The following PRR12 variants were observed in gnomAD, a reference collection of about 807,000 sequenced individuals.
PRR12 encodes proline rich 12.
PRR12 carries 12 observed loss-of-function variants against 138.0 expected under a neutral mutation model. The ratio of observed to expected loss-of-function variants is 0.09; its 90% CI spans 0.06 to 0.14. PRR12 has a LOEUF of 0.14. Ranked by LOEUF, PRR12 falls within the 10% of genes least tolerant of loss-of-function variation. PRR12 has a pLI of 1.00. For synonymous variants in PRR12, 1,567 were observed against 1,291.7 expected, an observed-to-expected ratio of 1.21 and a Z score of -4.57; for missense variants, 2,692 against 2,861.3, an observed-to-expected ratio of 0.94 and a Z score of 1.35.
At chr19:49,600,705 T>C (rs1391100432) in intron 5 of PRR12, among the ~76,000 whole-genome samples, 1 of 151,760 alleles carries the variant, frequency 6.6e-6, no homozygotes, top group African/African-American at 2.4e-5. Flanking sequence ...TTCTTTTTTT[T>C]TTTTCTTGAG....
At chr19:49,622,914 T>TAAATATAC (rs2080931710) in intron 11 of PRR12, among the ~76,000 whole-genome samples, 1 of 77,724 alleles carries the variant, frequency 1.3e-5, no homozygotes, top group Non-Finnish European at 2.5e-5. Context: ...AAAACATATA[T>TAAATATAC]ATATATATAT....
Position 49,599,623 on chromosome 19 carries a change from G to A in PRR12, c.4030G>A (p.Gly1344Arg). ...HPPPSGAFGLGGALEAAESEG... is the reference protein window; with the variant it reads ...HPPPSGAFGLRGALEAAESEG... ...CCCACCTTCCGGAGCCTTTGGGCTTGGGGGCGCCCTGGAGGCTGCAGAGAG... is the reference window on the plus strand; with the variant it reads ...CCCACCTTCCGGAGCCTTTGGGCTTAGGGGCGCCCTGGAGGCTGCAGAGAG... The change falls in exon 5 of 14, where the codon GGG becomes AGG. Residue 1344 changes from glycine to arginine, a missense_variant. Physicochemically the swap from Gly to Arg is moderately radical, Grantham distance 125. Transcript: ENST00000418929. The surrounding 1 kb of genome is among the most constrained non-coding windows in gnomAD (Gnocchi z 5.0). The A allele has an allele frequency of 6.2e-7, 1 of 1,604,000 alleles. No individual in the cohort carries two copies. The highest frequency in any genetic ancestry group is 8.5e-7 in the Non-Finnish European group (1 of 1,173,642).
At position 49,596,984 on chromosome 19, in the gene PRR12, G is replaced by T; in HGVS notation, c.2649G>T (p.Leu883Phe). 1 of 1,557,612 alleles carries T rather than the reference G, an allele frequency of 6.4e-7. No homozygotes were observed. Among genetic ancestry groups the T allele is most frequent in the South Asian group, 1.2e-5 (1 of 85,012 alleles). The stretch of plus-strand genomic sequence containing the variant: ...ATCCGCCAGGCGCCATGCAGGAATT[G>T]CTCGGGGCTCTGGAGCCGCTGCCCC... ...SLDPPGAMQE[L>F]LGALEPLPPA... Residue 883 changes from leucine (L) to phenylalanine (F), a missense_variant, in exon 4 of 14, where the codon TTG (leucine) becomes TTT (phenylalanine). Around this residue, in one of 11 missense-constraint regions of PRR12, gnomAD observed 840 missense variants for 689.8 expected, o/e 1.22. Coordinates refer to ENST00000418929, the MANE Select transcript of PRR12 (RefSeq NM_020719.3). This position sits in a 1 kb window ranked among gnomAD's most constrained non-coding sequence, Gnocchi z 5.6.
chr19:49,595,895 C>T lies in PRR12; in HGVS notation c.1560C>T (p.His520=), dbSNP rs772456112. 4.4e-6 allele frequency: 7 copies of T among 1,603,172 alleles called. No individual in the cohort carries two copies. In the African/African-American group the frequency reaches 9.3e-5, roughly 21 times the overall value. Residue 520 remains histidine, a synonymous_variant, in exon 4 of 14, where the codon CAC becomes CAT. Transcript: ENST00000418929. ...AGCCATACCCAGGGCCAGCCGCCCA[C>T]TCCCAGGGGCTGCCCACAGCCAGCC... is the stretch of plus-strand genomic sequence containing the variant. ...QGEPYPGPAA[H]SQGLPTASPS...
intron 6 of PRR12, among the ~76,000 whole-genome samples, chr19:49,602,127 A>G (rs553979161): frequency 4.6e-5 from 7 of 152,176 alleles, no homozygotes; most frequent in Non-Finnish European, 8.8e-5. Flanking sequence ...TACATGCATT[A>G]CCTGTATATA....
rs780932569 is a variant in PRR12, at chr19:49,625,505, G to A, written c.6009G>A (p.Glu2003=). The A allele has an allele frequency of 6.2e-7, 1 of 1,610,272 alleles. No individual in the cohort carries two copies. Among genetic ancestry groups the A allele is most frequent in the South Asian group, 1.1e-5 (1 of 90,452 alleles). ...GCGCCGAGGACCTGGGCCAGGAGGAGGTGGTCCAGCAGTGCATGCGGAACC... is the reference window on the plus strand; with the variant it reads ...GCGCCGAGGACCTGGGCCAGGAGGAAGTGGTCCAGCAGTGCATGCGGAACC... ...EGGAEDLGQE[E]VVQQCMRNQP... is the part of the protein sequence containing the mutation. Residue 2003 remains glutamate, a synonymous_variant, in exon 14 of 14, where the codon GAG becomes GAA. Coordinates refer to ENST00000418929, the MANE Select transcript of PRR12 (RefSeq NM_020719.3). The surrounding 1 kb of genome is among the most constrained non-coding windows in gnomAD (Gnocchi z 5.5).
At chr19:49,593,823 C>CT (rs1412723181) in intron 2 of PRR12, among the ~76,000 whole-genome samples, 3 of 152,178 alleles carry the variant, frequency 2.0e-5, no homozygotes, top group Non-Finnish European at 4.4e-5. Context: ...CTGATTGGCT[C>CT]TAATTCTCTG....
Position 49,599,911 on chromosome 19 carries a change from C to G in PRR12, c.4318C>G (p.Pro1440Ala). 6.2e-7 allele frequency: 1 copy of G among 1,607,852 alleles called. No individual in the cohort carries two copies. The highest frequency in any genetic ancestry group is 1.1e-5 in the South Asian group (1 of 90,698). Residue 1440 changes from proline to alanine, a missense_variant, in exon 5 of 14, where the codon CCC (proline) becomes GCC (alanine). Physicochemically the swap from Pro to Ala is conservative, Grantham distance 27. Around this residue, in one of 11 missense-constraint regions of PRR12, gnomAD observed 231 missense variants for 200.8 expected, o/e 1.15. Coordinates refer to ENST00000418929, the MANE Select transcript of PRR12 (RefSeq NM_020719.3). This position sits in a 1 kb window ranked among gnomAD's most constrained non-coding sequence, Gnocchi z 5.0. ...AGGGCCACCCCCTCTTCCGGGGCTC[C>G]CCAGTGCCAACAGCAATGGCACTCC... is the stretch of plus-strand genomic sequence containing the variant. Reference protein sequence around the residue: ...VPGPPPLPGLPSANSNGTPEP... With the variant: ...VPGPPPLPGLASANSNGTPEP...
In PRR12 at chr19:49,610,254, T is replaced by A. The variant is rs571018991; in HGVS notation, c.4774-4279T>A. Among the ~76,000 whole-genome samples the A allele has an allele frequency of 2.0e-5, 3 of 151,822 alleles. No individual in the cohort carries two copies. The East Asian group carries it at 5.9e-4, about 30-fold the overall frequency. On this transcript the variant is annotated intron_variant, in intron 6 of 13. Transcript: ENST00000418929. ...CCTCCCAAAGTGCTGGGATTACAGA[T>A]GCGAGCCACCCCGCACCCAGCCTGG...
chr19:49,594,956 C>T lies in PRR12; in HGVS notation c.621C>T (p.Arg207=). ...TGCCCTCTTCACTGGGCTTCGAGCG[C>T]CTGGCAGGGGGCGGTGTCTTGGGGC... The part of the protein sequence containing the change: ...PTVPSSLGFE[R]LAGGGVLGPA... Residue 207 remains arginine, a synonymous_variant, in exon 4 of 14, where the codon CGC becomes CGT. Transcript: ENST00000418929. This position sits in a 1 kb window ranked among gnomAD's most constrained non-coding sequence, Gnocchi z 5.6. 6.2e-7 allele frequency: 1 copy of T among 1,601,464 alleles called. No individual in the cohort carries two copies. Among genetic ancestry groups the T allele is most frequent in the Non-Finnish European group, 8.5e-7 (1 of 1,175,094 alleles).
chr19:49,603,950 A>G (rs1441840721), intron 6 of PRR12, among the ~76,000 whole-genome samples: 1 of 151,824 alleles, frequency 6.6e-6, no homozygotes. Context: ...CCTCCTGAGT[A>G]GCTGGGATTA....
intron 6 of PRR12, among the ~76,000 whole-genome samples, chr19:49,611,133 C>T (rs776898001): frequency 3.2e-4 from 49 of 152,008 alleles, no homozygotes; most frequent in Non-Finnish European, 6.0e-4. Flanking sequence ...TGAGCCACTG[C>T]GCCTGGCCAT....
In PRR12 at chr19:49,597,956, G is replaced by T; in HGVS notation, c.3621G>T (p.Arg1207=). ...AKKPRGRGRG[R]GRKAEEAGGT... Reference sequence around the variant, plus strand: ...AACCCCGGGGCCGGGGCCGAGGCCGGGGTCGAAAGGCTGAGGAGGCAGGGG... The same window carrying T: ...AACCCCGGGGCCGGGGCCGAGGCCGTGGTCGAAAGGCTGAGGAGGCAGGGG... The change falls in exon 4 of 14, where the codon CGG becomes CGT. Residue 1207 remains arginine, a synonymous_variant. Coordinates refer to ENST00000418929, the MANE Select transcript of PRR12 (RefSeq NM_020719.3). This position sits in a 1 kb window ranked among gnomAD's most constrained non-coding sequence, Gnocchi z 6.3. The T allele has an allele frequency of 7.1e-7, 1 of 1,401,766 alleles. No individual in the cohort carries two copies. The allele number at this position is 1,401,766 out of a possible 1,614,324, so 86.8% of individuals were successfully genotyped here.
At chr19:49,610,954 C>T (rs996187666) in intron 6 of PRR12, among the ~76,000 whole-genome samples, 4 of 151,652 alleles carry the variant, frequency 2.6e-5, no homozygotes, top group African/African-American at 9.7e-5. Context: ...AAGTGATTGT[C>T]CCCTCAGCCT....
chr19:49,595,101 G>A lies in PRR12; in HGVS notation c.766G>A (p.Ala256Thr), dbSNP rs368007404. The change falls in exon 4 of 14, where the codon GCC (alanine) becomes ACC (threonine). Residue 256 changes from alanine (A) to threonine (T), a missense_variant. Transcript: ENST00000418929. Reference sequence around the variant, plus strand: ...GCTGGCTTCCTCTTCCGCTGCCGCCGCCGCTGCCGAGCAGTCCTCCCCACA... The same window carrying A: ...GCTGGCTTCCTCTTCCGCTGCCGCCACCGCTGCCGAGCAGTCCTCCCCACA... ...NLLASSSAAA[A>T]AAEQSSPQLY... 3 of 1,610,634 alleles carry A rather than the reference G, an allele frequency of 1.9e-6. No individual in the cohort carries two copies. Among genetic ancestry groups the A allele is most frequent in the Non-Finnish European group, 2.5e-6 (3 of 1,179,486 alleles).
intron 6 of PRR12, among the ~76,000 whole-genome samples, chr19:49,608,841 C>CAA (rs112058165): frequency 2.2e-5 from 3 of 135,670 alleles, no homozygotes; most frequent in African/African-American, 8.0e-5. Context: ...GACCCTGTCT[C>CAA]AAAAAAAAAA....
At position 49,591,272 on chromosome 19, in the gene PRR12, C is replaced by T. The variant is rs1479791947; in HGVS notation, c.-383C>T. ...GGCGGCGGCGGCGAGAGAGCGAGCA[C>T]CCAGCGCCTGCACCCACCCCGGGGC... On this transcript the variant is annotated 5_prime_UTR_variant, in exon 1 of 14. Coordinates refer to ENST00000418929, the MANE Select transcript of PRR12 (RefSeq NM_020719.3). Among the ~76,000 whole-genome samples the T allele has an allele frequency of 3.3e-5, 5 of 150,346 alleles. No individual in the cohort carries two copies. Among genetic ancestry groups the T allele is most frequent in the Non-Finnish European group, 7.4e-5 (5 of 67,540 alleles).
chr19:49,614,991 G>C lies in PRR12; in HGVS notation c.5006G>C (p.Arg1669Pro). ...GTCTGTGCTCGGAAACCCTGGCATC[G>C]GCCCCCAGTGCCAGTCAGGTACCAA... is the stretch of plus-strand genomic sequence containing the variant. ...VRVCARKPWHRPPVPVRRSGQ... is the reference protein window; with the variant it reads ...VRVCARKPWHPPPVPVRRSGQ... The change falls in exon 8 of 14, where the codon CGG becomes CCG. Residue 1669 changes from arginine (R) to proline (P), a missense_variant. Arg to Pro is a moderately radical substitution (Grantham distance 103, BLOSUM62 -2). Transcript: ENST00000418929. This position sits in a 1 kb window ranked among gnomAD's most constrained non-coding sequence, Gnocchi z 5.0. The C allele has an allele frequency of 6.2e-7, 1 of 1,613,946 alleles. No homozygotes were observed. Among genetic ancestry groups the C allele is most frequent in the Non-Finnish European group, 8.5e-7 (1 of 1,179,890 alleles).
rs771153583 is a variant in PRR12 at position 49,616,005 on chromosome 19, C to A, written c.5283C>A (p.Ser1761Arg). Residue 1761 changes from serine to arginine, a missense_variant, in exon 9 of 14, where the codon AGC becomes AGA. By Grantham distance (110) the Ser-to-Arg change is moderately radical (BLOSUM62 -1). This residue lies in a region of PRR12 where 259 missense variants were observed against 265.1 expected (regional missense o/e 0.98). Transcript: ENST00000418929. This position sits in a 1 kb window ranked among gnomAD's most constrained non-coding sequence, Gnocchi z 4.2. ...ERPLRGERATSGRQTRPERSL... is the reference protein window; with the variant it reads ...ERPLRGERATRGRQTRPERSL... ...CATTGCGGGGTGAGCGGGCCACCAG[C>A]GGACGGCAGACACGGCCAGAGCGGA... 5.2e-6 allele frequency: 8 copies of A among 1,553,054 alleles called. No homozygotes were observed. The East Asian group carries it at 2.0e-4, about 38-fold the overall frequency.
Sources: allele counts gnomAD v4.1 joint callset (sites outside exome capture counted in the v4.1 genomes callset), GRCh38; gene constraint gnomAD v4.1.1; regional missense constraint gnomAD v4.1.1; non-coding constraint Gnocchi (gnomAD v3.1); transcripts MANE v1.5; gene names NCBI Gene and HGNC (gene_info 2026-07-23, HGNC 2026-07-21).